The following XPO6 variants were observed in gnomAD, a reference collection of about 807,000 sequenced individuals.
XPO6 encodes the protein exportin-6.
A neutral mutation model predicts 130.0 loss-of-function variants in XPO6; 3 were observed. The observed-to-expected ratio is 0.02, with a 90% CI of 0.01 to 0.06. The LOEUF is 0.06. XPO6 is among the 10% of genes least tolerant of loss of function. XPO6 has a pLI of 1.00. For missense variants in XPO6, 970 were observed against 1,393.0 expected, an observed-to-expected ratio of 0.70 and a Z score of 4.83; for synonymous variants, 524 against 548.9, an observed-to-expected ratio of 0.95 and a Z score of 0.63.
At chr16:28,116,273 A>C (rs993930239) in intron 15 of XPO6, among the ~76,000 whole-genome samples, 1 of 152,146 alleles carries the variant, frequency 6.6e-6, no homozygotes, top group Non-Finnish European at 1.5e-5. Flanking sequence ...CATCCTGGCT[A>C]ACATGGTGAA....
intron 17 of XPO6, 59 bp from the exon 18 acceptor site, chr16:28,107,736 G>T (rs2086818565): frequency 8.8e-6 from 14 of 1,592,942 alleles, no homozygotes; most frequent in Non-Finnish European, 1.2e-5. Flanking sequence ...ATGGTAAGAG[G>T]AGACACAAGG....
At chr16:28,120,559 A>G (rs1217868488) in intron 14 of XPO6, among the ~76,000 whole-genome samples, 1 of 152,166 alleles carries the variant, frequency 6.6e-6, no homozygotes, top group African/African-American at 2.4e-5. Flanking sequence ...ACATCTGTAG[A>G]GCTCCTCAAG....
At chr16:28,167,807 T>C (rs1224448535) in intron 5 of XPO6, among the ~76,000 whole-genome samples, 2 of 152,094 alleles carry the variant, frequency 1.3e-5, no homozygotes, top group African/African-American at 4.8e-5. Context: ...TTATGTTAAG[T>C]GAAAAAGCCA....
At chr16:28,178,807 C>G (rs2043571728) in intron 2 of XPO6, among the ~76,000 whole-genome samples, 1 of 151,768 alleles carries the variant, frequency 6.6e-6, no homozygotes, top group Non-Finnish European at 1.5e-5. Flanking sequence ...TTGGCTCATG[C>G]CCGTTAATCC....
At position 28,176,263 on chromosome 16, in the gene XPO6, C is replaced by G. The variant is rs549669033; in HGVS notation, c.208-168G>C. ...ATAAAAGTATTCAAATCTTAGGACA[C>G]AACAGTCCCATTCCTAGGAAGAACT... On this transcript the variant is annotated intron_variant, in intron 3 of 23. Transcript: ENST00000304658. 3.3e-5 allele frequency among the ~76,000 whole-genome samples: 5 copies of G among 152,260 alleles called. No individual in the cohort carries two copies. The East Asian group carries it at 9.6e-4, about 29-fold the overall frequency.
intron 1 of XPO6, among the ~76,000 whole-genome samples, chr16:28,189,764 C>T (rs2043756861): frequency 6.6e-6 from 1 of 152,206 alleles, no homozygotes; most frequent in Admixed American, 6.5e-5. Flanking sequence ...CATAACTTTG[C>T]ACAATATCTT....
chr16:28,139,544 T>G (rs374349709), intron 9 of XPO6, among the ~76,000 whole-genome samples: 26 of 152,178 alleles, frequency 1.7e-4, no homozygotes, highest in East Asian at 1.5e-3. Flanking sequence ...CTATAAAATA[T>G]GAATGATGGG....
intron 17 of XPO6, among the ~76,000 whole-genome samples, chr16:28,108,186 G>T (rs1468129430): frequency 2.6e-5 from 4 of 152,164 alleles, no homozygotes; most frequent in Non-Finnish European, 5.9e-5. Context: ...ACATGTAATG[G>T]TGCTGGCTGC....
intron 1 of XPO6, among the ~76,000 whole-genome samples, chr16:28,190,865 T>C (rs4619412): frequency 0.055 from 8,254 of 150,302 alleles, 573 homozygotes; most frequent in East Asian, 0.18. Context: ...TGTACATGCA[T>C]ATATGTCTAT....
At chr16:28,107,331 C>G (rs1412198590) in intron 18 of XPO6, among the ~76,000 whole-genome samples, 191 bp downstream of exon 18, 5 of 152,232 alleles carry the variant, frequency 3.3e-5, no homozygotes, top group Non-Finnish European at 5.9e-5. Flanking sequence ...GCTCTGCTCA[C>G]TTTTCCAAAG....
rs370580140 is a variant in XPO6, at chr16:28,125,862, C to T, written c.1607-14G>A. ...TCAACCTGTGTCCTGGAACACAACA[C>T]GCCAGACAGTTTTTCACAGGAAGAC... On this transcript the variant is annotated splice_polypyrimidine_tract_variant and intron_variant, in intron 12 of 23. Transcript: ENST00000304658. The T allele has an allele frequency of 7.5e-6, 12 of 1,609,290 alleles. No individual in the cohort carries two copies. The highest frequency in any genetic ancestry group is 4.0e-5 in the African/African-American group (3 of 74,812).
rs141317519 is a variant in XPO6 at position 28,168,527 on chromosome 16, A to G, written c.565+1223T>C. Among the ~76,000 whole-genome samples the G allele has an allele frequency of 7.5e-4, 113 of 151,670 alleles. No individual in the cohort carries two copies. The East Asian group carries it at 0.021, about 28-fold the overall frequency. Reference sequence around the variant, plus strand: ...AAAAAAGTGCTTTGAATGAATAAATACTCTGAAGGTTTAGGTTTACCCCTG... The same window carrying G: ...AAAAAAGTGCTTTGAATGAATAAATGCTCTGAAGGTTTAGGTTTACCCCTG... On this transcript the variant is annotated intron_variant, in intron 5 of 23. Coordinates refer to ENST00000304658, the MANE Select transcript of XPO6 (RefSeq NM_015171.4).
At position 28,124,368 on chromosome 16, in the gene XPO6, A is replaced by G. The variant is rs140130199; in HGVS notation, c.1766+1321T>C. On this transcript the variant is annotated intron_variant, in intron 13 of 23. Transcript: ENST00000304658. ...CCACTGCGCCCCGCCAACTGAACAG[A>G]TAAGATATATCTATATTGCTTAACA... 2.2e-3 allele frequency among the ~76,000 whole-genome samples: 334 copies of G among 152,344 alleles called. 2 individuals are homozygous for G. Among genetic ancestry groups the G allele is most frequent in the African/African-American group, 7.3e-3 (304 of 41,584 alleles).
chr16:28,131,201 G>A (rs2042661853), intron 12 of XPO6, among the ~76,000 whole-genome samples: 1 of 152,092 alleles, frequency 6.6e-6, no homozygotes, highest in African/African-American at 2.4e-5. Context: ...CTACATTCGG[G>A]GCATGCCAAG....
At chr16:28,195,094 G>A (rs764926129) in intron 1 of XPO6, among the ~76,000 whole-genome samples, 4 of 151,802 alleles carry the variant, frequency 2.6e-5, no homozygotes, top group Non-Finnish European at 5.9e-5. Flanking sequence ...ATAATGAACT[G>A]AAATTACATC....
chr16:28,115,136 T>G (rs1263906598), intron 15 of XPO6, among the ~76,000 whole-genome samples: 1 of 152,230 alleles, frequency 6.6e-6, no homozygotes, highest in African/African-American at 2.4e-5. Flanking sequence ...AAACTCCCAT[T>G]AATGCTGATA....
intron 7 of XPO6, chr16:28,153,889 C>T: frequency 6.1e-6 from 6 of 985,390 alleles, no homozygotes; most frequent in Non-Finnish European, 7.2e-6. Flanking sequence ...AATAAAATGT[C>T]CCATGTTGCT....
At chr16:28,207,441 C>T (rs1484714121) in intron 1 of XPO6, among the ~76,000 whole-genome samples, 1 of 152,162 alleles carries the variant, frequency 6.6e-6, no homozygotes, top group Non-Finnish European at 1.5e-5. Context: ...ACATGTCACA[C>T]CACTTAAGAA....
At chr16:28,105,594 G>C (rs1004829290) in intron 20 of XPO6, 3 of 156,044 alleles carry the variant, frequency 1.9e-5, no homozygotes, top group African/African-American at 4.8e-5. Context: ...TACTTATTCC[G>C]GGTCTTATTA....
Sources: gnomAD v4.1 joint callset for allele counts (sites outside exome capture counted in the v4.1 genomes callset) on GRCh38, gnomAD v4.1.1 for gene constraint, MANE v1.5 for transcripts, NCBI Gene and HGNC (gene_info 2026-07-23, HGNC 2026-07-21) for gene names.